Variants in RPH3AL observed in about 807,000 individuals in gnomAD.
RPH3AL encodes the protein rab effector Noc2.
RPH3AL carries 38 observed loss-of-function variants against 43.1 expected under a neutral mutation model. The observed-to-expected ratio is 0.88, with a 90% CI of 0.68 to 1.15. RPH3AL has a LOEUF of 1.15. Ranked by LOEUF, RPH3AL falls within the 50% of genes most tolerant of loss-of-function variation. RPH3AL has a pLI of 0.00. For synonymous variants in RPH3AL, 189 were observed against 176.3 expected (o/e 1.07, Z -0.57); for missense variants, 462 against 423.2 (o/e 1.09, Z -0.81).
At chr17:258,757 G>GTTTTTTTTTTTTTTTTTTTTTTTTTT (rs372761475) in intron 6 of RPH3AL, among the ~76,000 whole-genome samples, 1 of 98,770 alleles carries the variant, frequency 1.0e-5, no homozygotes. Flanking sequence ...TAGTCAACCC[G>GTTTTTTTTTTTTTTTTTTTTTTTTTT]TTTTTTTTTT....
Position 323,943 on chromosome 17 carries a change from C to G in RPH3AL, c.78-2528G>C, listed in dbSNP as rs925084746. Among the ~76,000 whole-genome samples, 3 of 151,030 alleles carry G rather than the reference C, an allele frequency of 2.0e-5. No homozygotes were observed. Among genetic ancestry groups the G allele is most frequent in the Non-Finnish European group, 3.0e-5 (2 of 67,700 alleles). On this transcript the variant is annotated intron_variant, in intron 3 of 9. Coordinates refer to ENST00000331302, the MANE Select transcript of RPH3AL (RefSeq NM_006987.4). The surrounding 1 kb of genome is among the most constrained non-coding windows in gnomAD (Gnocchi z 4.4). ...GGTGGGCCCAGACCCTCAGTCACCC[C>G]GAGAGGCAGGCCTGGACCCTCACAG... is the stretch of plus-strand genomic sequence containing the variant.
At position 314,792 on chromosome 17, in the gene RPH3AL, T is replaced by C. The variant is rs868574804; in HGVS notation, c.351+4628A>G. Among the ~76,000 whole-genome samples, 316 of 116,674 alleles carry C rather than the reference T, an allele frequency of 2.7e-3. 19 individuals are homozygous for C. The highest frequency in any genetic ancestry group is 8.5e-3 in the African/African-American group (223 of 26,236). 76.5% of individuals were successfully genotyped at this position (116,674 alleles called of 152,430 possible). On this transcript the variant is annotated intron_variant, in intron 5 of 9. Coordinates refer to ENST00000331302, the MANE Select transcript of RPH3AL (RefSeq NM_006987.4). ...CTGTGACCCCACCTCCATTGACCTGTAGTCCCTGTACTCCACGTCCATTGA... is the reference window on the plus strand; with the variant it reads ...CTGTGACCCCACCTCCATTGACCTGCAGTCCCTGTACTCCACGTCCATTGA...
At chr17:315,045 C>A (rs2043894372) in intron 5 of RPH3AL, among the ~76,000 whole-genome samples, 1 of 148,430 alleles carries the variant, frequency 6.7e-6, no homozygotes, top group Non-Finnish European at 1.5e-5. Flanking sequence ...TCCCTGTACT[C>A]CACCTCCACT....
In RPH3AL at chr17:328,629, C is replaced by T. The variant is rs552996959; in HGVS notation, c.-36-1050G>A. 1.5e-3 allele frequency among the ~76,000 whole-genome samples: 233 copies of T among 152,256 alleles called. 1 individual carries two copies. Among genetic ancestry groups the T allele is most frequent in the African/African-American group, 5.4e-3 (226 of 41,536 alleles). ...ACGTTCTTAGCAGCACTATTCATGA[C>T]CGCCAAAAGCAGAAACAACGAAAAT... On this transcript the variant is annotated intron_variant, in intron 2 of 9. Coordinates refer to ENST00000331302, the MANE Select transcript of RPH3AL (RefSeq NM_006987.4). The surrounding 1 kb of genome is among the most constrained non-coding windows in gnomAD (Gnocchi z 4.2).
chr17:298,265 C>T (rs1179936436), intron 5 of RPH3AL, among the ~76,000 whole-genome samples: 1 of 152,144 alleles, frequency 6.6e-6, no homozygotes, highest in Non-Finnish European at 1.5e-5. Flanking sequence ...CTCAGTAGCC[C>T]TCCCCCGACC....
intron 6 of RPH3AL, among the ~76,000 whole-genome samples, chr17:249,974 C>CGGG (rs2041852593): frequency 4.1e-5 from 6 of 147,144 alleles, no homozygotes; most frequent in Admixed American, 1.3e-4. Context: ...TCCGTCGCTG[C>CGGG]AGGACCTCTC....
At chr17:314,922 G>GA (rs1555518701) in intron 5 of RPH3AL, among the ~76,000 whole-genome samples, 6 of 47,242 alleles carry the variant, frequency 1.3e-4, no homozygotes, top group East Asian at 6.2e-4. Context: ...TAGTCCCTGT[G>GA]CCCCACCTCC....
chr17:273,105 G>A (rs2042547071), intron 6 of RPH3AL, among the ~76,000 whole-genome samples: 1 of 125,648 alleles, frequency 8.0e-6, no homozygotes, highest in African/African-American at 2.9e-5. Context: ...GTGACGTCAG[G>A]GAGAGACCCC....
At chr17:279,067 T>C (rs1452348121) in intron 6 of RPH3AL, among the ~76,000 whole-genome samples, 2 of 152,142 alleles carry the variant, frequency 1.3e-5, no homozygotes, top group African/African-American at 4.8e-5. Flanking sequence ...AGGATTTGGC[T>C]TTTGCGGGGA....
intron 3 of RPH3AL, among the ~76,000 whole-genome samples, chr17:325,832 A>G (rs931921391): frequency 2.0e-5 from 3 of 152,176 alleles, no homozygotes; most frequent in African/African-American, 7.2e-5. Context: ...CAGCCCAGAT[A>G]TCCCTGAGGG....
intron 5 of RPH3AL, among the ~76,000 whole-genome samples, chr17:316,968 C>G (rs1284799134): frequency 6.6e-6 from 1 of 150,564 alleles, no homozygotes; most frequent in Non-Finnish European, 1.5e-5. Context: ...TCTACACCCA[C>G]CTCCATTGAC....
At chr17:234,485 G>A (rs1425845538) in intron 7 of RPH3AL, 1 of 164,370 alleles carries the variant, frequency 6.1e-6, no homozygotes, top group Non-Finnish European at 1.3e-5. Flanking sequence ...TTTTAAAAAT[G>A]AGAGTTCTCC....
chr17:291,625 C>G (rs569961446), intron 5 of RPH3AL, among the ~76,000 whole-genome samples: 2 of 152,158 alleles, frequency 1.3e-5, no homozygotes, highest in Admixed American at 6.5e-5. Context: ...GTGTTTCATG[C>G]CACACAATGT....
chr17:331,691 C>T, intron 2 of RPH3AL: 23 of 1,287,554 alleles, frequency 1.8e-5, no homozygotes, highest in Non-Finnish European at 2.3e-5. Flanking sequence ...CATCAGCCGA[C>T]CCCCATGCCC....
At chr17:313,480 AG>A (rs980440937) in intron 5 of RPH3AL, among the ~76,000 whole-genome samples, 2 of 152,184 alleles carry the variant, frequency 1.3e-5, no homozygotes, top group African/African-American at 4.8e-5. Flanking sequence ...GGACTGTTCC[AG>A]GGGAAACTTG....
intron 6 of RPH3AL, among the ~76,000 whole-genome samples, chr17:269,043 T>C (rs1209321244): frequency 6.6e-6 from 1 of 152,126 alleles, no homozygotes; most frequent in African/African-American, 2.4e-5. Context: ...CACGCCTGGC[T>C]AATTTTTTGT....
rs1412915664 is a variant in RPH3AL, at chr17:315,800, C to T, written c.351+3620G>A. ...ACCCCATCTCTATTGACCTGTAGTC[C>T]CTGTGCCCCACCTCCATTGACCTGT... On this transcript the variant is annotated intron_variant, in intron 5 of 9. Transcript: ENST00000331302. Among the ~76,000 whole-genome samples, 293 of 131,358 alleles carry T rather than the reference C, an allele frequency of 2.2e-3. 3 individuals carry two copies. Among genetic ancestry groups the T allele is most frequent in the Admixed American group, 3.2e-3 (42 of 13,032 alleles). 86.2% of individuals were successfully genotyped at this position (131,358 alleles called of 152,430 possible). A position where few individuals can be genotyped will look rare whatever the true frequency, so the allele number is the denominator to read the frequency against.
At chr17:314,854 G>T (rs2043864076) in intron 5 of RPH3AL, among the ~76,000 whole-genome samples, 1 of 150,572 alleles carries the variant, frequency 6.6e-6, no homozygotes, top group African/African-American at 2.5e-5. Context: ...TTGACCTGTA[G>T]TCCCTGTGCC....
At chr17:327,796 G>A (rs1449100467) in intron 2 of RPH3AL, among the ~76,000 whole-genome samples, 12 of 152,170 alleles carry the variant, frequency 7.9e-5, no homozygotes, top group Admixed American at 7.8e-4. Flanking sequence ...TGACCAGGTG[G>A]ATCATGTGGC....
Sources: gnomAD v4.1 joint callset for allele counts (sites outside exome capture counted in the v4.1 genomes callset) on GRCh38, gnomAD v4.1.1 for gene constraint, Gnocchi (gnomAD v3.1) non-coding constraint, MANE v1.5 for transcripts, NCBI Gene and HGNC (gene_info 2026-07-23, HGNC 2026-07-21) for gene names.